Variants in BABAM2 observed in about 807,000 individuals in gnomAD.
BABAM2 encodes BRISC and BRCA1 A complex member 2.
Under a neutral mutation model 54.7 loss-of-function variants are expected in BABAM2, and 31 were observed. That is an observed-to-expected ratio of 0.57 (90% confidence interval 0.43 to 0.77). BABAM2 has a LOEUF of 0.77. Among genes scored for constraint, BABAM2 ranks in the 30% least tolerant of loss-of-function variants. BABAM2 has a pLI of 0.00. For synonymous variants in BABAM2, 167 were observed against 162.9 expected, an observed-to-expected ratio of 1.03 and a Z score of -0.19; for missense variants, 364 against 455.8, an observed-to-expected ratio of 0.80 and a Z score of 1.83.
chr2:28,076,146 G>A (rs748852801), intron 6 of BABAM2, among the ~76,000 whole-genome samples: 68 of 151,994 alleles, frequency 4.5e-4, no homozygotes, highest in Non-Finnish European at 4.3e-4. Flanking sequence ...ATGGTGGCAT[G>A]CACTTGTATT....
chr2:28,233,912 G>A (rs557221304), intron 7 of BABAM2, among the ~76,000 whole-genome samples: 7 of 152,252 alleles, frequency 4.6e-5, no homozygotes, highest in African/African-American at 7.2e-5. Flanking sequence ...AATTGTAAAC[G>A]GAGATGAGCC....
rs1356768350 is a variant in BABAM2, at chr2:28,315,072, G to A, written c.1088+16581G>A. Reference sequence around the variant, plus strand: ...GAAGGGGAGGGGAGGGGAAAGGGGGGAGGGAAGGAAGGAAGGAGAGGAGAG... The same window carrying A: ...GAAGGGGAGGGGAGGGGAAAGGGGGAAGGGAAGGAAGGAAGGAGAGGAGAG... On this transcript the variant is annotated intron_variant, in intron 11 of 11. Coordinates refer to ENST00000379624, the MANE Select transcript of BABAM2 (RefSeq NM_199191.3). Among the ~76,000 whole-genome samples the A allele has an allele frequency of 6.5e-5, 9 of 138,642 alleles. No individual in the cohort carries two copies. The East Asian group carries it at 1.7e-3, about 27-fold the overall frequency. The allele number at this position is 138,642 out of a possible 152,430, so 91.0% of individuals were successfully genotyped here.
At chr2:27,991,333 T>C (rs1384953319) in intron 4 of BABAM2, among the ~76,000 whole-genome samples, 2 of 152,200 alleles carry the variant, frequency 1.3e-5, no homozygotes, top group African/African-American at 4.8e-5. Flanking sequence ...TTATTTCCAG[T>C]GAAGTATTAT....
At chr2:27,900,765 C>T (rs529809133) in intron 2 of BABAM2, among the ~76,000 whole-genome samples, 12 of 152,098 alleles carry the variant, frequency 7.9e-5, no homozygotes, top group East Asian at 3.9e-4. Flanking sequence ...TATAGTAGGC[C>T]GGGCGCGGTG....
Position 28,292,581 on chromosome 2 carries a change from T to A in BABAM2, c.935-5757T>A, listed in dbSNP as rs150869311. Among the ~76,000 whole-genome samples, 1,054 of 152,338 alleles carry A rather than the reference T, an allele frequency of 6.9e-3. 13 individuals are homozygous for A. The highest frequency in any genetic ancestry group is 0.049 in the South Asian group (235 of 4,830). ...CCAGAGCTGGGTAGTTCAGGGATGATGAATCCAGCCACACAATGATGACAG... is the reference window on the plus strand; with the variant it reads ...CCAGAGCTGGGTAGTTCAGGGATGAAGAATCCAGCCACACAATGATGACAG... On this transcript the variant is annotated intron_variant, in intron 10 of 11. Coordinates refer to ENST00000379624, the MANE Select transcript of BABAM2 (RefSeq NM_199191.3).
intron 7 of BABAM2, among the ~76,000 whole-genome samples, chr2:28,163,449 C>T (rs1673304096): frequency 1.3e-5 from 2 of 152,126 alleles, no homozygotes; most frequent in Non-Finnish European, 2.9e-5. Flanking sequence ...GAACATTTTT[C>T]TTGTCTTGAG....
chr2:28,232,039 G>A (rs916046407), intron 7 of BABAM2, among the ~76,000 whole-genome samples: 7 of 151,698 alleles, frequency 4.6e-5, no homozygotes, highest in Non-Finnish European at 7.4e-5. Context: ...CTCCTGGCCC[G>A]GAGCAGTCAT....
chr2:28,310,017 A>G, intron 11 of BABAM2: 1 of 1,487,042 alleles, frequency 6.7e-7, no homozygotes, highest in Non-Finnish European at 9.4e-7. Context: ...ATAACGTGGA[A>G]TTATTGGATC....
chr2:28,010,256 C>T (rs1413186751), intron 4 of BABAM2, among the ~76,000 whole-genome samples: 3 of 151,978 alleles, frequency 2.0e-5, no homozygotes, highest in Non-Finnish European at 4.4e-5. Context: ...TCTTTCAGAT[C>T]CATTTTAACT....
At chr2:28,268,004 C>G (rs952854312) in intron 10 of BABAM2, among the ~76,000 whole-genome samples, 5 of 152,118 alleles carry the variant, frequency 3.3e-5, no homozygotes, top group Non-Finnish European at 5.9e-5. Flanking sequence ...CAAACTGTAT[C>G]TATACACAAT....
intron 7 of BABAM2, among the ~76,000 whole-genome samples, chr2:28,167,145 T>C (rs575434612): frequency 3.2e-4 from 49 of 152,310 alleles, no homozygotes; most frequent in African/African-American, 1.2e-3. Context: ...CTTATGCATA[T>C]GTTCTTCATT....
intron 5 of BABAM2, among the ~76,000 whole-genome samples, chr2:28,043,208 A>G (rs1677269472): frequency 6.7e-6 from 1 of 150,194 alleles, no homozygotes; most frequent in Non-Finnish European, 1.5e-5. Context: ...GGCACATTGC[A>G]ACCTCCGCCT....
Position 28,244,834 on chromosome 2 carries a change from G to A in BABAM2, c.906G>A (p.Met302Ile), listed in dbSNP as rs774203009. 6.8e-6 allele frequency: 11 copies of A among 1,613,886 alleles called. No individual in the cohort carries two copies. The East Asian group carries it at 2.2e-4, about 33-fold the overall frequency. ...EGFTKLTLLL[M>I]WKDFCFLVHI... is the part of the protein sequence containing the mutation. ...TTACAAAACTCACTCTGCTGCTGAT[G>A]TGGAAAGATTTTTGTTTTCTTGTAC... The change falls in exon 10 of 12, where the codon ATG becomes ATA. Residue 302 changes from methionine (M) to isoleucine (I), a missense_variant. Physicochemically the swap from Met to Ile is conservative, Grantham distance 10. Transcript: ENST00000379624.
At chr2:28,296,449 A>C (rs1022995867) in intron 10 of BABAM2, among the ~76,000 whole-genome samples, 2 of 151,430 alleles carry the variant, frequency 1.3e-5, no homozygotes, top group African/African-American at 4.9e-5. Context: ...ATCTGTAGAA[A>C]CCCCCTGCAG....
At chr2:27,894,438 A>C (rs1453954015) in intron 1 of BABAM2, 95 bp from the exon 2 acceptor site, 13 of 1,191,970 alleles carry the variant, frequency 1.1e-5, no homozygotes, top group Non-Finnish European at 1.6e-5. Context: ...TTATTCATGC[A>C]AGAGGAACTG....
At chr2:27,938,720 C>T (rs941319994) in intron 3 of BABAM2, among the ~76,000 whole-genome samples, 1 of 151,946 alleles carries the variant, frequency 6.6e-6, no homozygotes, top group Non-Finnish European at 1.5e-5. Context: ...AAACAGACCT[C>T]TAAGGAAACC....
intron 10 of BABAM2, among the ~76,000 whole-genome samples, chr2:28,276,534 C>T (rs1351464052): frequency 6.6e-6 from 1 of 152,178 alleles, no homozygotes; most frequent in African/African-American, 2.4e-5. Flanking sequence ...CTGTGATCCA[C>T]GCTGGGTAAC....
intron 7 of BABAM2, among the ~76,000 whole-genome samples, chr2:28,202,321 T>C (rs552597576): frequency 6.6e-6 from 1 of 152,272 alleles, no homozygotes; most frequent in South Asian, 2.1e-4. Context: ...CTCTCTCCCT[T>C]CCTGTCTCTT....
chr2:27,891,483 G>A (rs1664837547), intron 1 of BABAM2, among the ~76,000 whole-genome samples: 1 of 152,082 alleles, frequency 6.6e-6, no homozygotes, highest in African/African-American at 2.4e-5. Context: ...TTTGCAATAC[G>A]TCAAAATCAG....
Sources: allele counts gnomAD v4.1 joint callset (sites outside exome capture counted in the v4.1 genomes callset), GRCh38; gene constraint gnomAD v4.1.1; transcripts MANE v1.5; gene names NCBI Gene and HGNC (gene_info 2026-07-23, HGNC 2026-07-21).